PVT1: variants seen among roughly 807,000 people sequenced by gnomAD.
PVT1 encodes the protein CXCR4/PVT1 fusion.
intron 2 of PVT1, among the ~76,000 whole-genome samples, chr8:127,843,776 A>C (rs1814999713): frequency 6.6e-6 from 1 of 151,428 alleles, no homozygotes; most frequent in Admixed American, 6.6e-5. Flanking sequence ...GGAGGTGGGA[A>C]TCCCTTGTCT....
intron 3 of PVT1, among the ~76,000 whole-genome samples, chr8:127,908,101 C>T (rs1251698346): frequency 1.3e-5 from 2 of 152,144 alleles, no homozygotes; most frequent in African/African-American, 4.8e-5. Flanking sequence ...ATGGCTGCCT[C>T]ATCTTTTTGG....
At chr8:127,857,275 G>A (rs1177779237) in intron 2 of PVT1, among the ~76,000 whole-genome samples, 1 of 152,120 alleles carries the variant, frequency 6.6e-6, no homozygotes, top group African/African-American at 2.4e-5. Context: ...TGCTTACCAT[G>A]TGCCTACATT....
intron 4 of PVT1, among the ~76,000 whole-genome samples, chr8:128,059,781 T>A (rs2648874): frequency 0.034 from 5,226 of 152,124 alleles, 184 homozygotes; most frequent in East Asian, 0.19. Flanking sequence ...CATGGGGAAG[T>A]GAGATGCAAA....
At chr8:127,944,989 T>C (rs1816402304) in intron 3 of PVT1, among the ~76,000 whole-genome samples, 1 of 152,148 alleles carries the variant, frequency 6.6e-6, no homozygotes, top group Admixed American at 6.5e-5. Context: ...GACCCTCTTT[T>C]TTCATATGTG....
intron 3 of PVT1, among the ~76,000 whole-genome samples, chr8:127,978,300 G>A (rs1024205791): frequency 2.6e-5 from 4 of 151,652 alleles, no homozygotes; most frequent in Non-Finnish European, 5.9e-5. Context: ...TTATAGGTGT[G>A]TACCACCATA....
At chr8:128,036,923 C>CTGCAT (rs1203980880) in intron 4 of PVT1, among the ~76,000 whole-genome samples, 4 of 152,240 alleles carry the variant, frequency 2.6e-5, no homozygotes, top group African/African-American at 9.6e-5. Context: ...CCTGCCTCTG[C>CTGCAT]TGCATTGAGG....
At chr8:127,850,605 G>A (rs1026256783) in intron 2 of PVT1, among the ~76,000 whole-genome samples, 1 of 152,198 alleles carries the variant, frequency 6.6e-6, no homozygotes, top group Non-Finnish European at 1.5e-5. Flanking sequence ...GACATAATTG[G>A]TGTCTGCACA....
chr8:128,068,954 CAG>C (rs1813947629), intron 4 of PVT1, among the ~76,000 whole-genome samples: 1 of 152,192 alleles, frequency 6.6e-6, no homozygotes. Flanking sequence ...AGACAGTTTC[CAG>C]AAAATGAGAA....
chr8:127,900,365 TA>T (rs959979441), intron 3 of PVT1, among the ~76,000 whole-genome samples: 23 of 148,360 alleles, frequency 1.6e-4, no homozygotes, highest in African/African-American at 2.2e-4. Context: ...TAAAGAAATT[TA>T]AAAAAAAAAA....
chr8:128,011,784 G>A (rs886380927), intron 4 of PVT1, among the ~76,000 whole-genome samples: 1 of 152,120 alleles, frequency 6.6e-6, no homozygotes, highest in Non-Finnish European at 1.5e-5. Context: ...ACTTCTTGTG[G>A]CCCCAAAGAT....
intron 4 of PVT1, among the ~76,000 whole-genome samples, chr8:128,050,197 C>A (rs1456709147): frequency 6.6e-6 from 1 of 152,220 alleles, no homozygotes; most frequent in African/African-American, 2.4e-5. Context: ...GACTTTGCTT[C>A]CTTCCTGTTG....
intron 3 of PVT1, among the ~76,000 whole-genome samples, chr8:127,907,396 G>A (rs575582833): frequency 4.4e-4 from 67 of 152,298 alleles, no homozygotes; most frequent in African/African-American, 1.6e-3. Flanking sequence ...AGACACTCTG[G>A]CCTTCAGGAG....
rs190564507 is a variant in PVT1, at chr8:127,957,645, A to G, written n.783-31517A>G. On this transcript the variant is annotated intron_variant and non_coding_transcript_variant, in intron 3 of 10. Coordinates refer to ENST00000651587, the Ensembl canonical transcript of PVT1. The stretch of plus-strand genomic sequence containing the variant: ...ATGGGGGACATGGTCTTCATTTTAT[A>G]GGTGAACAGACTGAGATACAGGAGG... 7.9e-4 allele frequency among the ~76,000 whole-genome samples: 120 copies of G among 152,134 alleles called. 1 individual carries two copies. The highest frequency in any genetic ancestry group is 2.8e-3 in the African/African-American group (116 of 41,538).
At chr8:127,808,604 G>C (rs752184700) in intron 2 of PVT1, among the ~76,000 whole-genome samples, 1 of 152,166 alleles carries the variant, frequency 6.6e-6, no homozygotes, top group Non-Finnish European at 1.5e-5. Context: ...TTGTTGGGTA[G>C]ATGGTGGATC....
intron 2 of PVT1, among the ~76,000 whole-genome samples, chr8:127,884,900 C>T (rs1190286114): frequency 2.0e-5 from 3 of 152,190 alleles, no homozygotes; most frequent in African/African-American, 7.2e-5. Flanking sequence ...CCCAACAGAC[C>T]ATGTCATAAT....
chr8:128,033,234 G>A (rs1813415524), intron 4 of PVT1, among the ~76,000 whole-genome samples: 1 of 152,210 alleles, frequency 6.6e-6, no homozygotes, highest in Admixed American at 6.5e-5. Context: ...AGGCTCTGTG[G>A]GACCACGGGG....
chr8:127,838,095 CTG>C (rs1814929440), intron 2 of PVT1, among the ~76,000 whole-genome samples: 1 of 151,930 alleles, frequency 6.6e-6, no homozygotes, highest in African/African-American at 2.4e-5. Context: ...TGGGGTTTCT[CTG>C]TGTTAGTCAG....
chr8:128,008,407 C>G (rs1211624297), intron 4 of PVT1, among the ~76,000 whole-genome samples: 2 of 152,222 alleles, frequency 1.3e-5, no homozygotes, highest in Non-Finnish European at 2.9e-5. Context: ...TACCTTTCTT[C>G]CAATTTATCA....
At chr8:127,902,134 A>G (rs989264256) in intron 3 of PVT1, among the ~76,000 whole-genome samples, 1 of 152,164 alleles carries the variant, frequency 6.6e-6, no homozygotes, top group African/African-American at 2.4e-5. Flanking sequence ...GACCTTAGAA[A>G]TAATACCTGT....
Sources: gnomAD v4.1 joint callset for allele counts (sites outside exome capture counted in the v4.1 genomes callset) on GRCh38, gnomAD v4.1.1 for gene constraint, MANE v1.5 for transcripts, NCBI Gene and HGNC (gene_info 2026-07-23, HGNC 2026-07-21) for gene names.